The following MTARC2 variants were observed in gnomAD, a reference collection of about 807,000 sequenced individuals.
MTARC2 encodes the protein MOCO sulphurase C-terminal domain containing 2.
Under a neutral mutation model 35.6 loss-of-function variants are expected in MTARC2, and 27 were observed. The ratio of observed to expected loss-of-function variants is 0.76; its 90% CI spans 0.56 to 1.04. MTARC2 has a LOEUF of 1.04. MTARC2 is among the 50% of genes least tolerant of loss of function. The pLI, the probability that MTARC2 is intolerant of heterozygous loss-of-function variation, is 0.00. For synonymous variants in MTARC2, 158 were observed against 167.1 expected, an observed-to-expected ratio of 0.95 and a Z score of 0.42; for missense variants, 412 against 432.5, an observed-to-expected ratio of 0.95 and a Z score of 0.42.
intron 1 of MTARC2, among the ~76,000 whole-genome samples, chr1:220,753,537 G>A (rs1170551773): frequency 1.3e-5 from 2 of 152,162 alleles, no homozygotes; most frequent in Admixed American, 6.5e-5. Context: ...TCCCTGTGCT[G>A]GGATATTGGA....
chr1:220,780,736 A>G (rs12034685), intron 6 of MTARC2, among the ~76,000 whole-genome samples: 2,468 of 152,068 alleles, frequency 0.016, 43 homozygotes, highest in East Asian at 0.056. Context: ...GAGCCACCAT[A>G]CCCAGCTTTG....
At chr1:220,762,249 G>A (rs72472390) in intron 3 of MTARC2, among the ~76,000 whole-genome samples, 2,242 of 152,224 alleles carry the variant, frequency 0.015, 37 homozygotes, top group East Asian at 0.06. Flanking sequence ...CTGGCGAGGC[G>A]CCTCCCCCTA....
intron 2 of MTARC2, among the ~76,000 whole-genome samples, chr1:220,759,283 G>A (rs1055333186): frequency 1.3e-5 from 2 of 152,162 alleles, no homozygotes; most frequent in Non-Finnish European, 2.9e-5. Flanking sequence ...TGAGTTAAGA[G>A]ATTGCTTACT....
intron 1 of MTARC2, among the ~76,000 whole-genome samples, chr1:220,753,089 A>T (rs2994528): frequency 0.13 from 19,777 of 147,048 alleles, 3,064 homozygotes; most frequent in African/African-American, 0.37. Context: ...TTAGCCGGGC[A>T]TGGTGGCGGG....
intron 7 of MTARC2, 33 bp from the exon 8 acceptor site, chr1:220,783,886 C>A: frequency 1.4e-6 from 1 of 717,232 alleles, no homozygotes; most frequent in South Asian, 1.5e-5. Context: ...GGATAAACAA[C>A]CAAATAACCA....
chr1:220,770,445 C>A, intron 4 of MTARC2: 1 of 985,358 alleles, frequency 1.0e-6, no homozygotes, highest in Non-Finnish European at 1.2e-6. Context: ...GAGTGTGATA[C>A]GTGAACGCAC....
chr1:220,756,560 T>G (rs1050070745), intron 2 of MTARC2: 8 of 152,150 alleles, frequency 5.3e-5, no homozygotes, highest in Non-Finnish European at 1.0e-4. Context: ...GCCTTTAACG[T>G]GTTTGTGTAG....
chr1:220,774,216 A>C (rs867853682), intron 4 of MTARC2, among the ~76,000 whole-genome samples: 5 of 151,954 alleles, frequency 3.3e-5, no homozygotes, highest in Non-Finnish European at 7.4e-5. Flanking sequence ...ACAGGCACAC[A>C]CCACCACACC....
chr1:220,748,563 GC>G lies in MTARC2; in HGVS notation c.34del (p.Leu12SerfsTer17). On this transcript the variant is annotated frameshift_variant, in exon 1 of 8. Transcript: ENST00000366913. LOFTEE classifies it high-confidence loss of function. Reference sequence around the variant, plus strand: ...GCTTCCAGCTCCTCCGCGCTGGCCCGCCTCGGCCTCCCAGCCCGGCCCTGGC... The same window carrying G: ...GCTTCCAGCTCCTCCGCGCTGGCCCGCTCGGCCTCCCAGCCCGGCCCTGGC... MGASSSSALA[R>X]LGLPARPWPR... The G allele has an allele frequency of 6.9e-7, 1 of 1,440,258 alleles. No individual in the cohort carries two copies. 89.2% of individuals were successfully genotyped at this position (1,440,258 alleles called of 1,614,324 possible).
At chr1:220,770,096 G>A (rs543581582) in intron 4 of MTARC2, among the ~76,000 whole-genome samples, 1 of 152,072 alleles carries the variant, frequency 6.6e-6, no homozygotes, top group African/African-American at 2.4e-5. Flanking sequence ...GACAGAGCAA[G>A]ACTCTGTCTC....
Position 220,751,360 on chromosome 1 carries a change from C to T in MTARC2, c.272+2557C>T, listed in dbSNP as rs139434620. Among the ~76,000 whole-genome samples, 19 of 152,306 alleles carry T rather than the reference C, an allele frequency of 1.2e-4. No individual in the cohort carries two copies. In the South Asian group the frequency reaches 2.7e-3, roughly 22 times the overall value. On this transcript the variant is annotated intron_variant, in intron 1 of 7. Coordinates refer to ENST00000366913, the MANE Select transcript of MTARC2 (RefSeq NM_017898.5). ...GTGCCTGGTGCAGTTGCTGGGAGGGCGTGCTTGTCCTCCCTGACCTTGGAA... is the reference window on the plus strand; with the variant it reads ...GTGCCTGGTGCAGTTGCTGGGAGGGTGTGCTTGTCCTCCCTGACCTTGGAA...
At position 220,751,727 on chromosome 1, in the gene MTARC2, G is replaced by A. The variant is rs79566142; in HGVS notation, c.272+2924G>A. Reference sequence around the variant, plus strand: ...TCTATAGCTCTTTTGGGGAATCGGGGCTCCAGGCTTCTACACTGATCCCTC... The same window carrying A: ...TCTATAGCTCTTTTGGGGAATCGGGACTCCAGGCTTCTACACTGATCCCTC... On this transcript the variant is annotated intron_variant, in intron 1 of 7. Coordinates refer to ENST00000366913, the MANE Select transcript of MTARC2 (RefSeq NM_017898.5). 3.7e-3 allele frequency among the ~76,000 whole-genome samples: 559 copies of A among 152,230 alleles called. 3 individuals carry two copies. Among genetic ancestry groups the A allele is most frequent in the African/African-American group, 0.013 (541 of 41,526 alleles).
At chr1:220,755,851 A>G (rs1671263077) in intron 2 of MTARC2, among the ~76,000 whole-genome samples, 1 of 152,234 alleles carries the variant, frequency 6.6e-6, no homozygotes, top group South Asian at 2.1e-4. Flanking sequence ...TACTACAAGT[A>G]TAAAGGTGGT....
intron 1 of MTARC2, 67 bp downstream of exon 1, chr1:220,748,870 G>A: frequency 6.8e-7 from 1 of 1,471,128 alleles, no homozygotes; most frequent in South Asian, 1.4e-5. Context: ...GGGGCAGGTG[G>A]GGCCCGATCT....
In MTARC2 at chr1:220,755,129, C is replaced by T; in HGVS notation, c.446+9C>T. On this transcript the variant is annotated intron_variant, in intron 2 of 7. Transcript: ENST00000366913. Reference sequence around the variant, plus strand: ...AAACTCCACAACTGCAGGTGTTCCGCTTGGGGGCATCCACAGAACTGCAAC... The same window carrying T: ...AAACTCCACAACTGCAGGTGTTCCGTTTGGGGGCATCCACAGAACTGCAAC... 1 of 1,592,168 alleles carries T rather than the reference C, an allele frequency of 6.3e-7. No homozygotes were observed. The highest frequency in any genetic ancestry group is 8.5e-7 in the Non-Finnish European group (1 of 1,169,968).
intron 2 of MTARC2, among the ~76,000 whole-genome samples, chr1:220,758,831 ATGTGTGTGTGTGTGTGTGTCTGGG>A (rs991189401): frequency 1.6e-5 from 2 of 124,608 alleles, no homozygotes; most frequent in East Asian, 4.3e-4. Context: ...ATGTGAAAAT[ATGTGTGTGTGTGTGTGTGTCTGGG>A]TGTGTGTGTG....
intron 4 of MTARC2, among the ~76,000 whole-genome samples, chr1:220,778,263 A>AG (rs1411562349): frequency 2.1e-5 from 3 of 145,306 alleles, no homozygotes; most frequent in Non-Finnish European, 4.5e-5. Context: ...AAAAAAAAAA[A>AG]AAAAAGAAAG....
chr1:220,763,225 C>T (rs1671489330), intron 4 of MTARC2, among the ~76,000 whole-genome samples, 175 bp downstream of exon 4: 2 of 152,074 alleles, frequency 1.3e-5, no homozygotes, highest in Non-Finnish European at 2.9e-5. Context: ...GCCATCAACA[C>T]GCTGGCCTCG....
At position 220,784,746 on chromosome 1, in the gene MTARC2, G is replaced by A. The variant is rs1271014254; in HGVS notation, c.*859G>A. 2.0e-5 allele frequency: 3 copies of A among 152,188 alleles called. No individual in the cohort carries two copies. The highest frequency in any genetic ancestry group is 3.8e-4 in the East Asian group (2 of 5,206). The allele number at this position is 152,188 out of a possible 1,614,324, so 9.4% of individuals were successfully genotyped here. On this transcript the variant is annotated 3_prime_UTR_variant, in exon 8 of 8. Transcript: ENST00000366913. The stretch of plus-strand genomic sequence containing the variant: ...AAAATACTCACTGAAATAGTATGTG[G>A]ATGAATTCACCTACTTACAATTTTA...
Sources: gnomAD v4.1 joint callset for allele counts (sites outside exome capture counted in the v4.1 genomes callset) on GRCh38, gnomAD v4.1.1 for gene constraint, MANE v1.5 for transcripts, NCBI Gene and HGNC (gene_info 2026-07-23, HGNC 2026-07-21) for gene names.